Variants in FBXO7 observed in about 807,000 individuals in gnomAD.
FBXO7 encodes the protein F-box protein 7, also known as F-box only protein 7.
FBXO7 carries 31 observed loss-of-function variants against 50.2 expected under a neutral mutation model. The ratio of observed to expected loss-of-function variants is 0.62; its 90% confidence interval spans 0.46 to 0.83. The LOEUF is 0.83. Among genes scored for constraint, FBXO7 ranks in the 40% least tolerant of loss-of-function variants. The pLI is 0.00. For missense variants in FBXO7, 667 were observed against 646.6 expected, an observed-to-expected ratio of 1.03 and a Z score of -0.34; for synonymous variants, 256 against 253.1, an observed-to-expected ratio of 1.01 and a Z score of -0.11.
chr22:32,493,498 A>T (rs1167791242), intron 7 of FBXO7, among the ~76,000 whole-genome samples: 1 of 152,186 alleles, frequency 6.6e-6, no homozygotes, highest in Non-Finnish European at 1.5e-5. Flanking sequence ...TAGACTAAGA[A>T]GATTATTTCA....
At chr22:32,486,754 A>T (rs1229894807) in intron 4 of FBXO7, among the ~76,000 whole-genome samples, 2 of 152,218 alleles carry the variant, frequency 1.3e-5, no homozygotes, top group Non-Finnish European at 2.9e-5. Context: ...CTGTCTGATG[A>T]CACTAGGACC....
At chr22:32,483,866 AT>A in intron 2 of FBXO7, 30 bp from the exon 3 acceptor site, 1 of 1,569,950 alleles carries the variant, frequency 6.4e-7, no homozygotes, top group Non-Finnish European at 8.8e-7. Flanking sequence ...TAAGTCTTTA[AT>A]TAATTCATTG....
At chr22:32,482,150 C>T (rs1296823676) in intron 2 of FBXO7, among the ~76,000 whole-genome samples, 3 of 152,114 alleles carry the variant, frequency 2.0e-5, no homozygotes, top group Non-Finnish European at 2.9e-5. Context: ...CATAGTTTAG[C>T]TTGATGTTAA....
chr22:32,493,352 T>G, intron 7 of FBXO7, 71 bp downstream of exon 7: 1 of 1,342,486 alleles, frequency 7.4e-7, no homozygotes, highest in Non-Finnish European at 1.1e-6. Flanking sequence ...ACCAAAAGTT[T>G]TTAGTTGTAG....
intron 8 of FBXO7, among the ~76,000 whole-genome samples, chr22:32,496,917 T>C (rs2057578840): frequency 6.6e-6 from 1 of 152,200 alleles, no homozygotes; most frequent in Non-Finnish European, 1.5e-5. Context: ...TTAAGCATAC[T>C]GAGGATTCAT....
intron 5 of FBXO7, chr22:32,489,767 CTTATG>C (rs1203023406): frequency 3.3e-5 from 5 of 152,118 alleles, no homozygotes; most frequent in Non-Finnish European, 5.9e-5. Context: ...TTAATAAAGT[CTTATG>C]TTGAGTAGGA....
At chr22:32,475,332 TGGTCGGCTGG>T in intron 1 of FBXO7, 1 of 1,607,298 alleles carries the variant, frequency 6.2e-7, no homozygotes, top group Admixed American at 1.7e-5. Flanking sequence ...GAAGCGCGGG[TGGTCGGCTGG>T]GGTCCGGCTC....
chr22:32,496,228 C>G (rs1023250750), intron 8 of FBXO7, among the ~76,000 whole-genome samples: 8 of 152,300 alleles, frequency 5.3e-5, no homozygotes, highest in Admixed American at 4.6e-4. Context: ...CGCCTGTAAT[C>G]CCAGCACTTT....
In FBXO7 at chr22:32,498,229, C is replaced by A. The variant is rs761577817; in HGVS notation, c.1268C>A (p.Pro423Gln). 3 of 1,614,216 alleles carry A rather than the reference C, an allele frequency of 1.9e-6. No homozygotes were observed. The South Asian group carries it at 3.3e-5, about 18-fold the overall frequency. Residue 423 changes from proline (P) to glutamine (Q), a missense_variant, in exon 9 of 9, where the codon CCA becomes CAA. Pro to Gln is a moderately conservative substitution (Grantham distance 76). Transcript: ENST00000266087. ...MLLPSSTHTIPFYPNPLHPRP... is the reference protein window; with the variant it reads ...MLLPSSTHTIQFYPNPLHPRP... ...CTGCCATCGTCAACTCACACCATTC[C>A]ATTCTATCCCAACCCCTTGCACCCT...
Position 32,493,255 on chromosome 22 carries a change from G to T in FBXO7, c.1118G>T (p.Arg373Met), listed in dbSNP as rs751440649. ...GCTTCAAATGACCCACTCCTGTGGA[G>T]GTTTTTATATCTGCGTGATTTTCGA... ...FTASNDPLLW[R>M]FLYLRDFRDN... Residue 373 changes from arginine to methionine, a missense_variant, in exon 7 of 9, where the codon AGG becomes ATG. Transcript: ENST00000266087. 1.2e-6 allele frequency: 2 copies of T among 1,614,102 alleles called. No individual in the cohort carries two copies. The highest frequency in any genetic ancestry group is 2.2e-5 in the South Asian group (2 of 91,084).
At position 32,492,701 on chromosome 22, in the gene FBXO7, A is replaced by G. The variant is rs77737324; in HGVS notation, c.968-404A>G. ...ATTTAAATAACTTGTCCAAAGGCAC[A>G]CAGTTAATAACTGGCATGGAAACAG... On this transcript the variant is annotated intron_variant, in intron 6 of 8. Transcript: ENST00000266087. The G allele has an allele frequency of 7.6e-3, 1,882 of 248,748 alleles. 46 individuals carry two copies. The highest frequency in any genetic ancestry group is 0.041 in the African/African-American group (1,789 of 43,208). 15.4% of individuals were successfully genotyped at this position (248,748 alleles called of 1,614,324 possible).
At chr22:32,477,688 G>A (rs187697875) in intron 1 of FBXO7, among the ~76,000 whole-genome samples, 50 of 152,286 alleles carry the variant, frequency 3.3e-4, no homozygotes, top group African/African-American at 1.2e-3. Context: ...TTGTGATTAT[G>A]AATATATGGA....
In FBXO7 at chr22:32,498,126, T is replaced by A; in HGVS notation, c.1183-18T>A. Reference sequence around the variant, plus strand: ...TCACTTACCTTATCTTGTTCTTTTATTTTTCTTTTTTCTACAGCTGTACAG... The same window carrying A: ...TCACTTACCTTATCTTGTTCTTTTAATTTTCTTTTTTCTACAGCTGTACAG... On this transcript the variant is annotated intron_variant, in intron 8 of 8. Coordinates refer to ENST00000266087, the MANE Select transcript of FBXO7 (RefSeq NM_012179.4). The A allele has an allele frequency of 6.2e-7, 1 of 1,613,860 alleles. No individual in the cohort carries two copies. The highest frequency in any genetic ancestry group is 1.1e-5 in the South Asian group (1 of 91,054).
intron 1 of FBXO7, among the ~76,000 whole-genome samples, chr22:32,477,533 G>C (rs1051699401): frequency 6.6e-6 from 1 of 152,168 alleles, no homozygotes; most frequent in Non-Finnish European, 1.5e-5. Context: ...TTCTGAGCTT[G>C]TTTAACGTGG....
At chr22:32,487,981 A>G (rs1283427703) in intron 5 of FBXO7, 153 bp downstream of exon 5, 2 of 617,472 alleles carry the variant, frequency 3.2e-6, no homozygotes, top group African/African-American at 1.9e-5. Flanking sequence ...GCAAAGGTTT[A>G]AAAAATGTGA....
chr22:32,496,754 C>T (rs1175410295), intron 8 of FBXO7, among the ~76,000 whole-genome samples: 2 of 152,172 alleles, frequency 1.3e-5, no homozygotes, highest in Non-Finnish European at 2.9e-5. Flanking sequence ...CATTCTGAAG[C>T]TCATGGATCA....
In FBXO7 at chr22:32,498,368, G is replaced by A. The variant is rs112910800; in HGVS notation, c.1407G>A (p.Gly469=). ...TCAGTTCACTCATTCCTGGTCCTGGGGAGACGCCCAGCCAGTTTCCTCCAC... is the reference window on the plus strand; with the variant it reads ...TCAGTTCACTCATTCCTGGTCCTGGAGAGACGCCCAGCCAGTTTCCTCCAC... The part of the protein sequence containing the change: ...DPISSLIPGP[G]ETPSQFPPLR... The change falls in exon 9 of 9, where the codon GGG becomes GGA. Residue 469 remains glycine, a synonymous_variant. Coordinates refer to ENST00000266087, the MANE Select transcript of FBXO7 (RefSeq NM_012179.4). 1 of 1,614,158 alleles carries A rather than the reference G, an allele frequency of 6.2e-7. No homozygotes were observed.
chr22:32,489,091 T>C (rs1194861541), intron 5 of FBXO7: 1 of 152,296 alleles, frequency 6.6e-6, no homozygotes, highest in Non-Finnish European at 1.5e-5. Context: ...ATTACAGGCA[T>C]GAGCCACTGC....
chr22:32,475,868 T>C (rs950051132), intron 1 of FBXO7: 1 of 154,860 alleles, frequency 6.5e-6, no homozygotes, highest in African/African-American at 2.4e-5. Flanking sequence ...GATCATATTC[T>C]GTTATTGGTT....
Sources: allele counts gnomAD v4.1 joint callset (sites outside exome capture counted in the v4.1 genomes callset), GRCh38; gene constraint gnomAD v4.1.1; transcripts MANE v1.5; gene names NCBI Gene and HGNC (gene_info 2026-07-23, HGNC 2026-07-21).